The following CFAP299 variants were observed in gnomAD, a reference collection of about 807,000 sequenced individuals.
CFAP299 encodes cilia and flagella associated protein 299.
A neutral mutation model predicts 27.0 loss-of-function variants in CFAP299; 21 were observed. The observed-to-expected ratio is 0.78, with a 90% CI of 0.55 to 1.12. The LOEUF is 1.12. Ranked by LOEUF, CFAP299 falls within the 50% of genes most tolerant of loss-of-function variation. CFAP299 has a pLI of 0.00. For missense variants in CFAP299, 310 were observed against 276.6 expected (o/e 1.12, Z -0.86); for synonymous variants, 104 against 98.1 (o/e 1.06, Z -0.36).
intron 3 of CFAP299, among the ~76,000 whole-genome samples, chr4:80,701,551 T>C (rs1211242613): frequency 6.6e-6 from 1 of 151,804 alleles, no homozygotes; most frequent in Non-Finnish European, 1.5e-5. Context: ...GTAAGTCCAT[T>C]TATCTACACT....
In CFAP299 at chr4:80,751,486, A is replaced by G. The variant is rs376849913; in HGVS notation, c.334-118507A>G. Among the ~76,000 whole-genome samples the G allele has an allele frequency of 1.1e-3, 167 of 152,188 alleles. 1 individual carries two copies. The highest frequency in any genetic ancestry group is 3.7e-3 in the African/African-American group (155 of 41,524). ...CCCCCTGGGAGTTCCATCTCAGGCC[A>G]GGGCTCTAATCTTAGAGCCCCAGCC... On this transcript the variant is annotated intron_variant, in intron 3 of 5. Transcript: ENST00000358105.
At chr4:80,541,934 G>A (rs747191923) in intron 2 of CFAP299, among the ~76,000 whole-genome samples, 1 of 150,880 alleles carries the variant, frequency 6.6e-6, no homozygotes, top group African/African-American at 2.4e-5. Flanking sequence ...AAGGACATTA[G>A]GTATATCTCC....
In CFAP299 at chr4:80,931,740, G is replaced by A. The variant is rs549240387; in HGVS notation, c.477-13070G>A. Reference sequence around the variant, plus strand: ...TGCACGCACACACACACACACACACGCACACACGCACACACACACCCCTGG... The same window carrying A: ...TGCACGCACACACACACACACACACACACACACGCACACACACACCCCTGG... On this transcript the variant is annotated intron_variant, in intron 4 of 5. Coordinates refer to ENST00000358105, the MANE Select transcript of CFAP299 (RefSeq NM_152770.3). 7.2e-3 allele frequency among the ~76,000 whole-genome samples: 1,079 copies of A among 150,370 alleles called. 9 individuals carry two copies. The highest frequency in any genetic ancestry group is 0.015 in the Admixed American group (228 of 15,106).
intron 3 of CFAP299, among the ~76,000 whole-genome samples, chr4:80,607,568 A>G: frequency 6.6e-6 from 1 of 152,134 alleles, no homozygotes. Flanking sequence ...GAATTAGGGA[A>G]AAAATGAATT....
intron 3 of CFAP299, among the ~76,000 whole-genome samples, chr4:80,763,595 G>GA (rs1295079804): frequency 6.6e-6 from 1 of 151,996 alleles, no homozygotes; most frequent in Non-Finnish European, 1.5e-5. Flanking sequence ...CACAGGACTA[G>GA]AAAAAACTAC....
chr4:80,471,020 G>A (rs1729966220), intron 2 of CFAP299, among the ~76,000 whole-genome samples: 1 of 152,078 alleles, frequency 6.6e-6, no homozygotes, highest in African/African-American at 2.4e-5. Flanking sequence ...TTTGTGTATT[G>A]AGTCATGTAA....
intron 1 of CFAP299, among the ~76,000 whole-genome samples, chr4:80,343,054 C>T (rs763021160): frequency 6.6e-6 from 1 of 152,102 alleles, no homozygotes; most frequent in Non-Finnish European, 1.5e-5. Flanking sequence ...GACTTTAAAA[C>T]AACAAAGATT....
chr4:80,591,324 C>A (rs541211535), intron 3 of CFAP299, among the ~76,000 whole-genome samples: 411 of 151,370 alleles, frequency 2.7e-3, no homozygotes, highest in African/African-American at 9.7e-3. Flanking sequence ...GGGGTTTCAC[C>A]GTTTTAGCCG....
chr4:80,904,587 C>G (rs529143427), intron 4 of CFAP299, among the ~76,000 whole-genome samples: 1 of 151,144 alleles, frequency 6.6e-6, no homozygotes, highest in Non-Finnish European at 1.5e-5. Context: ...ATGGTAAGAT[C>G]TGGAGGGACT....
chr4:80,944,831 T>C lies in CFAP299; in HGVS notation c.498T>C (p.Asp166=). 2 of 1,607,760 alleles carry C rather than the reference T, an allele frequency of 1.2e-6. No homozygotes were observed. Among genetic ancestry groups the C allele is most frequent in the Non-Finnish European group, 1.7e-6 (2 of 1,175,362 alleles). ...ATAGCTTTTACAACTGGGACGCTGA[T>C]ATTGCTGTTAGTAATTCAAGTCCCA... ...TDISFYNWDA[D]IAVSNSSPNY... The change falls in exon 5 of 6, where the codon GAT becomes GAC. Residue 166 remains aspartate (D), a synonymous_variant. Coordinates refer to ENST00000358105, the MANE Select transcript of CFAP299 (RefSeq NM_152770.3).
At chr4:80,882,095 A>C (rs1257301747) in intron 4 of CFAP299, among the ~76,000 whole-genome samples, 1 of 152,176 alleles carries the variant, frequency 6.6e-6, no homozygotes, top group Non-Finnish European at 1.5e-5. Flanking sequence ...AAGAAAGCCT[A>C]AGAAACTTAT....
chr4:80,882,809 A>G (rs371546260), intron 4 of CFAP299, among the ~76,000 whole-genome samples: 1 of 152,118 alleles, frequency 6.6e-6, no homozygotes, highest in Non-Finnish European at 1.5e-5. Flanking sequence ...CAAAAATAAT[A>G]TACGAGCAAA....
At chr4:80,844,087 C>T (rs1235521465) in intron 3 of CFAP299, among the ~76,000 whole-genome samples, 3 of 152,046 alleles carry the variant, frequency 2.0e-5, no homozygotes, top group Non-Finnish European at 4.4e-5. Context: ...GTGAAGTCAT[C>T]GTTTTTTATG....
chr4:80,690,166 T>C (rs1193281991), intron 3 of CFAP299, among the ~76,000 whole-genome samples: 1 of 150,252 alleles, frequency 6.7e-6, no homozygotes, highest in Non-Finnish European at 1.5e-5. Context: ...TACCCAGGTA[T>C]TGAACTCAGC....
intron 4 of CFAP299, among the ~76,000 whole-genome samples, chr4:80,917,214 C>G (rs1000699944): frequency 5.3e-5 from 8 of 151,796 alleles, no homozygotes; most frequent in Non-Finnish European, 1.0e-4. Context: ...GGCAGCACAT[C>G]CAAACAGCAA....
intron 2 of CFAP299, among the ~76,000 whole-genome samples, chr4:80,527,562 C>T (rs1733252887): frequency 1.3e-5 from 2 of 152,040 alleles, no homozygotes; most frequent in South Asian, 2.1e-4. Flanking sequence ...AGCAAAAGCC[C>T]ATCCATAATC....
At chr4:80,359,873 G>A (rs951009049) in intron 1 of CFAP299, among the ~76,000 whole-genome samples, 13 of 152,108 alleles carry the variant, frequency 8.5e-5, no homozygotes, top group Admixed American at 7.9e-4. Flanking sequence ...GAAGTGATGT[G>A]GTCATTAAGA....
intron 3 of CFAP299, among the ~76,000 whole-genome samples, chr4:80,634,572 T>A (rs898866091): frequency 1.2e-4 from 19 of 152,220 alleles, no homozygotes; most frequent in African/African-American, 4.6e-4. Context: ...TTTTAAACAA[T>A]TTCCGCTTAG....
intron 3 of CFAP299, among the ~76,000 whole-genome samples, chr4:80,784,652 G>A (rs758793236): frequency 6.6e-6 from 1 of 151,992 alleles, no homozygotes; most frequent in Non-Finnish European, 1.5e-5. Flanking sequence ...TGAGTAGCTG[G>A]GATTACAGGC....
Sources: allele counts gnomAD v4.1 joint callset (sites outside exome capture counted in the v4.1 genomes callset), GRCh38; gene constraint gnomAD v4.1.1; transcripts MANE v1.5; gene names NCBI Gene and HGNC (gene_info 2026-07-23, HGNC 2026-07-21).